Variants in C5orf63 observed in about 807,000 individuals in gnomAD.
C5orf63 encodes glutaredoxin-like protein C5orf63.
A neutral mutation model predicts 13.3 loss-of-function variants in C5orf63; 18 were observed. The ratio of observed to expected loss-of-function variants is 1.36; its 90% CI spans 0.94 to 2.01. C5orf63 has a LOEUF of 2.01. C5orf63 is among the 30% of genes most tolerant of loss of function. C5orf63 has a pLI of 0.00. For synonymous variants in C5orf63, 38 were observed against 44.7 expected (o/e 0.85, Z 0.60); for missense variants, 118 against 127.7 (o/e 0.92, Z 0.36).
chr5:127,056,575 C>T (rs1185091532), intron 3 of C5orf63: 4 of 152,162 alleles, frequency 2.6e-5, no homozygotes, highest in Non-Finnish European at 5.9e-5. Context: ...GAAAGACTCA[C>T]CCCCATAATT....
chr5:127,064,477 G>A lies in C5orf63; in HGVS notation c.-7-5475C>T, dbSNP rs913131214. Among the ~76,000 whole-genome samples the A allele has an allele frequency of 1.1e-4, 16 of 152,294 alleles. No homozygotes were observed. In the East Asian group the frequency reaches 1.9e-3, roughly 18 times the overall value. On this transcript the variant is annotated intron_variant, in intron 2 of 4. Coordinates refer to ENST00000296662, the MANE Select transcript of C5orf63 (RefSeq NM_001164478.2). Reference sequence around the variant, plus strand: ...CCACCTATGGGCCCGGCTATACATGGTGTCACGCTCAGCTTCATTCTGACT... The same window carrying A: ...CCACCTATGGGCCCGGCTATACATGATGTCACGCTCAGCTTCATTCTGACT...
chr5:127,047,047 G>C (rs1753535433), downstream of C5orf63: 1 of 152,240 alleles, frequency 6.6e-6, no homozygotes, highest in Non-Finnish European at 1.5e-5. Flanking sequence ...CCCAGTCTGA[G>C]TATACCCTTG....
At chr5:127,073,154 T>TGAGATGTTTTCTGCTTTCTC (rs1263810616) in intron 1 of C5orf63, 1 of 151,934 alleles carries the variant, frequency 6.6e-6, no homozygotes, top group Non-Finnish European at 1.5e-5. Flanking sequence ...AGTATGAAGT[T>TGAGATGTTTTCTGCTTTCTC]GAGATGTTTT....
chr5:127,054,532 T>C (rs2126884875), intron 3 of C5orf63, among the ~76,000 whole-genome samples: 1 of 152,368 alleles, frequency 6.6e-6, no homozygotes, highest in South Asian at 2.1e-4. Flanking sequence ...CATAAATGTC[T>C]TCTTTTGAAA....
intron 1 of C5orf63, chr5:127,073,169 T>G (rs1754619907): frequency 6.6e-6 from 1 of 151,810 alleles, no homozygotes; most frequent in Non-Finnish European, 1.5e-5. Context: ...TGTTTTCTGC[T>G]TTCTCGAGAT....
At chr5:127,072,065 T>C (rs1041899485) in intron 1 of C5orf63, 1 of 152,138 alleles carries the variant, frequency 6.6e-6, no homozygotes, top group Non-Finnish European at 1.5e-5. Context: ...CAAAAAAATA[T>C]TGATCCTTCC....
chr5:127,065,794 C>A (rs1410327685), intron 2 of C5orf63, among the ~76,000 whole-genome samples: 3 of 152,084 alleles, frequency 2.0e-5, no homozygotes, highest in Non-Finnish European at 4.4e-5. Context: ...AAAGAGAAGT[C>A]AGTTATGAAA....
At chr5:127,058,163 T>A (rs1253258480) in intron 3 of C5orf63, among the ~76,000 whole-genome samples, 2 of 152,146 alleles carry the variant, frequency 1.3e-5, no homozygotes, top group East Asian at 3.8e-4. Context: ...GTAGTAAGCA[T>A]ACACCTGATA....
In C5orf63 at chr5:127,060,692, A is replaced by C. The variant is rs1373801242; in HGVS notation, c.-7-1690T>G. On this transcript the variant is annotated intron_variant, in intron 2 of 4. Coordinates refer to ENST00000296662, the MANE Select transcript of C5orf63 (RefSeq NM_001164478.2). ...TTCTCTTTCTGTTCTTTGTATACCC[A>C]ATATCATTTCTTCCTCGTTTTGTAC... Among the ~76,000 whole-genome samples, 5 of 152,126 alleles carry C rather than the reference A, an allele frequency of 3.3e-5. No homozygotes were observed. The South Asian group carries it at 1.0e-3, about 32-fold the overall frequency.
chr5:127,069,799 G>T (rs186135591), intron 2 of C5orf63, among the ~76,000 whole-genome samples: 1 of 152,120 alleles, frequency 6.6e-6, no homozygotes, highest in Non-Finnish European at 1.5e-5. Flanking sequence ...ATCATTGATA[G>T]AATTTTTTTA....
intron 2 of C5orf63, among the ~76,000 whole-genome samples, chr5:127,060,073 G>C (rs1038364446): frequency 5.3e-5 from 8 of 152,102 alleles, no homozygotes; most frequent in Non-Finnish European, 1.5e-5. Flanking sequence ...GGGAGGTGGA[G>C]GTTGCAGTGA....
intron 1 of C5orf63, chr5:127,072,046 T>G (rs1280470067): frequency 6.6e-6 from 1 of 152,178 alleles, no homozygotes; most frequent in Non-Finnish European, 1.5e-5. Flanking sequence ...ATTCCTCTGA[T>G]GAAGGAGACA....
chr5:127,058,828 T>C, intron 3 of C5orf63, 54 bp downstream of exon 3: 4 of 1,186,344 alleles, frequency 3.4e-6, no homozygotes, highest in Non-Finnish European at 4.8e-6. Context: ...TTTGTCCCTT[T>C]TTCTTAAATG....
intron 3 of C5orf63, among the ~76,000 whole-genome samples, chr5:127,054,557 T>C (rs1243930593): frequency 6.6e-6 from 1 of 152,260 alleles, no homozygotes; most frequent in Non-Finnish European, 1.5e-5. Context: ...TCTGTCCATA[T>C]CCTTTGCCCA....
chr5:127,062,867 G>T (rs1754160742), intron 2 of C5orf63, among the ~76,000 whole-genome samples: 1 of 152,076 alleles, frequency 6.6e-6, no homozygotes, highest in South Asian at 2.1e-4. Context: ...ATTGAATTTA[G>T]TCATGAAATA....
At chr5:127,052,940 A>T (rs937769197) in intron 3 of C5orf63, among the ~76,000 whole-genome samples, 2 of 152,154 alleles carry the variant, frequency 1.3e-5, no homozygotes, top group Middle Eastern at 3.2e-3. Flanking sequence ...TGTATATATA[A>T]TACATACATA....
chr5:127,049,234 T>C (rs1040244399), downstream of C5orf63, among the ~76,000 whole-genome samples: 1 of 152,112 alleles, frequency 6.6e-6, no homozygotes, highest in Non-Finnish European at 1.5e-5. Flanking sequence ...CAAAAGCACA[T>C]TAGCTAAGGC....
chr5:127,044,979 T>G (rs1361810871), downstream of C5orf63: 1 of 152,118 alleles, frequency 6.6e-6, no homozygotes, highest in Admixed American at 6.6e-5. Context: ...GCTAATCAAT[T>G]ACCTCTGGTC....
chr5:127,042,824 T>C (rs145284183), downstream of C5orf63: 3 of 152,342 alleles, frequency 2.0e-5, no homozygotes, highest in African/African-American at 7.2e-5. Context: ...GATGTCTCCA[T>C]TTAATGAATG....
Sources: allele counts gnomAD v4.1 joint callset (sites outside exome capture counted in the v4.1 genomes callset), GRCh38; gene constraint gnomAD v4.1.1; transcripts MANE v1.5; gene names NCBI Gene and HGNC (gene_info 2026-07-23, HGNC 2026-07-21).